Variants in LOC128462377 observed in about 807,000 individuals in gnomAD.
At chr16:89,333,693 T>C in the LOC128462377 span, among the ~76,000 whole-genome samples, 2 of 152,224 alleles carry the variant, frequency 1.3e-5, no homozygotes, top group South Asian at 2.1e-4. Context: ...TAATAGTCTG[T>C]CGTCTGGATG....
the LOC128462377 span, among the ~76,000 whole-genome samples, chr16:89,341,948 A>AGTGCTGCACCTCCACTGCCC: frequency 1.4e-5 from 2 of 143,846 alleles, no homozygotes; most frequent in African/African-American, 5.4e-5. Flanking sequence ...CTCCTCCACG[A>AGTGCTGCACCTCCACTGCCC]ACAGCAGCCA....
At chr16:89,366,245 T>A in the LOC128462377 span, among the ~76,000 whole-genome samples, 9 of 152,072 alleles carry the variant, frequency 5.9e-5, no homozygotes, top group Non-Finnish European at 1.3e-4. Flanking sequence ...TAGATGCTCA[T>A]GTGGATTCCA....
At chr16:89,393,143 A>G in the LOC128462377 span, among the ~76,000 whole-genome samples, 1 of 151,964 alleles carries the variant, frequency 6.6e-6, no homozygotes, top group Admixed American at 6.6e-5. Flanking sequence ...AGCCTCTGGA[A>G]GTCTCCCTCA....
the LOC128462377 span, among the ~76,000 whole-genome samples, chr16:89,337,373 C>G: frequency 6.9e-6 from 1 of 145,222 alleles, no homozygotes; most frequent in South Asian, 2.2e-4. Context: ...CAGACACTCA[C>G]AGTTTTTGTC....
At chr16:89,370,485 G>A in the LOC128462377 span, among the ~76,000 whole-genome samples, 2 of 152,182 alleles carry the variant, frequency 1.3e-5, no homozygotes, top group Admixed American at 6.5e-5. Context: ...CCAGGGCCTT[G>A]AGGCAAATTC....
At chr16:89,375,056 T>A in the LOC128462377 span, among the ~76,000 whole-genome samples, 1 of 152,100 alleles carries the variant, frequency 6.6e-6, no homozygotes, top group Non-Finnish European at 1.5e-5. Context: ...AGACTGTACA[T>A]GGCATCGTTC....
the LOC128462377 span, chr16:89,395,872 C>G: frequency 6.6e-6 from 1 of 152,210 alleles, no homozygotes; most frequent in Non-Finnish European, 1.5e-5. Flanking sequence ...ACTGTTTCAA[C>G]GCACTACGTC....
At chr16:89,346,758 T>A in the LOC128462377 span, among the ~76,000 whole-genome samples, 1 of 152,238 alleles carries the variant, frequency 6.6e-6, no homozygotes, top group Non-Finnish European at 1.5e-5. Flanking sequence ...AATGTATTTA[T>A]ATTTATCGCT....
chr16:89,331,583 G>T, the LOC128462377 span, among the ~76,000 whole-genome samples: 1 of 152,154 alleles, frequency 6.6e-6, no homozygotes, highest in East Asian at 1.9e-4. Flanking sequence ...TGGTGACACT[G>T]AGAAAGTTCA....
At chr16:89,401,093 C>T in the LOC128462377 span, among the ~76,000 whole-genome samples, 1 of 137,956 alleles carries the variant, frequency 7.2e-6, no homozygotes, top group Admixed American at 7.1e-5. Flanking sequence ...CTCTCCCCCC[C>T]ACCCGCCCTC....
At chr16:89,403,958 T>C in the LOC128462377 span, among the ~76,000 whole-genome samples, 186 of 152,198 alleles carry the variant, frequency 1.2e-3, 1 homozygote, top group African/African-American at 4.3e-3. Context: ...CTTTATATTA[T>C]AGGGCACAGA....
At chr16:89,336,675 C>G in the LOC128462377 span, among the ~76,000 whole-genome samples, 1 of 152,216 alleles carries the variant, frequency 6.6e-6, no homozygotes, top group Non-Finnish European at 1.5e-5. Flanking sequence ...ACAGGGAGCA[C>G]AGGCACTAGG....
chr16:89,387,187 T>C, the LOC128462377 span, among the ~76,000 whole-genome samples: 1 of 151,336 alleles, frequency 6.6e-6, no homozygotes, highest in Non-Finnish European at 1.5e-5. Context: ...CTAAGGACAC[T>C]GCTCAGCAAG....
chr16:89,403,177 G>A, the LOC128462377 span, among the ~76,000 whole-genome samples: 4 of 152,184 alleles, frequency 2.6e-5, no homozygotes, highest in Admixed American at 2.0e-4. Flanking sequence ...CTGTTGGCAG[G>A]TGGACCCCGC....
At chr16:89,382,412 G>A in the LOC128462377 span, among the ~76,000 whole-genome samples, 47 of 152,056 alleles carry the variant, frequency 3.1e-4, no homozygotes, top group South Asian at 1.2e-3. Context: ...TGCCACCTCC[G>A]CCTCCCAGGT....
chr16:89,382,003 T>C, the LOC128462377 span, among the ~76,000 whole-genome samples: 5 of 152,134 alleles, frequency 3.3e-5, no homozygotes, highest in African/African-American at 1.2e-4. Context: ...TAAAAGTGCT[T>C]TACAAACCGT....
the LOC128462377 span, among the ~76,000 whole-genome samples, chr16:89,359,021 T>C: frequency 6.6e-6 from 1 of 152,136 alleles, no homozygotes; most frequent in Admixed American, 6.5e-5. Flanking sequence ...GACAAGGCTA[T>C]ACATTTCTTA....
chr16:89,377,678 C>T, the LOC128462377 span, among the ~76,000 whole-genome samples: 7 of 152,132 alleles, frequency 4.6e-5, no homozygotes, highest in Admixed American at 2.6e-4. Flanking sequence ...GGGGTTCCCA[C>T]GACTCCCACC....
the LOC128462377 span, among the ~76,000 whole-genome samples, chr16:89,399,629 C>G: frequency 1.3e-5 from 2 of 152,158 alleles, no homozygotes; most frequent in African/African-American, 2.4e-5. Flanking sequence ...CTGCACAGCA[C>G]CCGGTGGACC....
Sources: allele counts gnomAD v4.1 joint callset (sites outside exome capture counted in the v4.1 genomes callset), GRCh38; gene constraint gnomAD v4.1.1; transcripts MANE v1.5.